IGF2BP3: variants seen among roughly 807,000 people sequenced by gnomAD.
IGF2BP3 encodes insulin-like growth factor 2 mRNA-binding protein 3.
IGF2BP3 carries 9 observed loss-of-function variants against 73.8 expected under a neutral mutation model. The ratio of observed to expected loss-of-function variants is 0.12; its 90% CI spans 0.07 to 0.21. IGF2BP3 has a LOEUF of 0.21. Among genes scored for constraint, IGF2BP3 ranks in the 10% least tolerant of loss-of-function variants. IGF2BP3 has a pLI of 1.00. For missense variants in IGF2BP3, 542 were observed against 714.0 expected, an observed-to-expected ratio of 0.76 and a Z score of 2.75; for synonymous variants, 258 against 256.7, an observed-to-expected ratio of 1.01 and a Z score of -0.05.
intron 10 of IGF2BP3, among the ~76,000 whole-genome samples, chr7:23,336,447 T>G (rs1583901954): frequency 6.6e-6 from 1 of 151,622 alleles, no homozygotes; most frequent in Non-Finnish European, 1.5e-5. Context: ...CTAAACCATT[T>G]TTTTTTTTTT....
At chr7:23,459,495 A>G (rs1418977335) in intron 2 of IGF2BP3, among the ~76,000 whole-genome samples, 1 of 152,192 alleles carries the variant, frequency 6.6e-6, no homozygotes, top group East Asian at 1.9e-4. Flanking sequence ...CAACAGTTTC[A>G]ACCTCTGCTT....
chr7:23,395,797 G>A (rs936399451), intron 3 of IGF2BP3, among the ~76,000 whole-genome samples: 7 of 151,746 alleles, frequency 4.6e-5, no homozygotes, highest in Admixed American at 4.6e-4. Flanking sequence ...GTGGTGACAG[G>A]TGCCTGTAAT....
At position 23,389,230 on chromosome 7, in the gene IGF2BP3, G is replaced by A. The variant is rs181498063; in HGVS notation, c.286-27489C>T. Among the ~76,000 whole-genome samples, 402 of 151,014 alleles carry A rather than the reference G, an allele frequency of 2.7e-3. 3 individuals are homozygous for A. Among genetic ancestry groups the A allele is most frequent in the African/African-American group, 9.3e-3 (383 of 41,022 alleles). On this transcript the variant is annotated intron_variant, in intron 3 of 14. Coordinates refer to ENST00000258729, the MANE Select transcript of IGF2BP3 (RefSeq NM_006547.3). ...GGCTGGAGTGCAGCGGCACTATCTC[G>A]GCTCACTGCAACCTCCATCTCCCAG...
intron 3 of IGF2BP3, chr7:23,413,985 C>T (rs900999818): frequency 2.0e-5 from 3 of 152,110 alleles, no homozygotes; most frequent in Admixed American, 1.3e-4. Context: ...CCCGTCTCTA[C>T]TAAAAATACA....
intron 2 of IGF2BP3, among the ~76,000 whole-genome samples, chr7:23,458,295 C>T (rs1248903464): frequency 6.6e-6 from 1 of 152,178 alleles, no homozygotes; most frequent in Non-Finnish European, 1.5e-5. Flanking sequence ...TCATATCCCA[C>T]ATCCTCCTGG....
At chr7:23,467,502 A>G (rs1230339998) in intron 2 of IGF2BP3, among the ~76,000 whole-genome samples, 1 of 152,216 alleles carries the variant, frequency 6.6e-6, no homozygotes, top group Non-Finnish European at 1.5e-5. Flanking sequence ...AAAGGCTTAG[A>G]GGCCCACCCC....
chr7:23,327,572 C>T (rs572401495), intron 10 of IGF2BP3, among the ~76,000 whole-genome samples: 61 of 152,248 alleles, frequency 4.0e-4, no homozygotes, highest in African/African-American at 1.4e-3. Flanking sequence ...TGAGCCACCG[C>T]ACCCGTCCTG....
At chr7:23,423,068 C>T (rs1291687085) in intron 2 of IGF2BP3, among the ~76,000 whole-genome samples, 2 of 152,364 alleles carry the variant, frequency 1.3e-5, no homozygotes, top group African/African-American at 4.8e-5. Flanking sequence ...AGCCGCTGCG[C>T]CCAGCCCTGC....
rs758211117 is a variant in IGF2BP3, at chr7:23,342,152, G to C, written c.1115C>G (p.Ala372Gly). The change falls in exon 10 of 15, where the codon GCC becomes GGC. Residue 372 changes from alanine (A) to glycine (G), a missense_variant. Coordinates refer to ENST00000258729, the MANE Select transcript of IGF2BP3 (RefSeq NM_006547.3). ...TGAAGTGGGTGGGAACAGACCCAAGGCGTTCAGATTTAATCCAGGAATTAA... is the reference window on the plus strand; with the variant it reads ...TGAAGTGGGTGGGAACAGACCCAAGCCGTTCAGATTTAATCCAGGAATTAA... ...AHLIPGLNLN[A>G]LGLFPPTSGM... The C allele has an allele frequency of 6.2e-7, 1 of 1,613,724 alleles. No homozygotes were observed. The highest frequency in any genetic ancestry group is 1.3e-5 in the African/African-American group (1 of 74,892).
intron 5 of IGF2BP3, among the ~76,000 whole-genome samples, chr7:23,357,276 CTTTT>C (rs201996068): frequency 4.9e-5 from 7 of 143,718 alleles, no homozygotes; most frequent in African/African-American, 1.8e-4. Context: ...TAGTTTCTTT[CTTTT>C]TTTTTTTTTT....
At chr7:23,350,455 G>A (rs930369517) in intron 6 of IGF2BP3, among the ~76,000 whole-genome samples, 2 of 152,196 alleles carry the variant, frequency 1.3e-5, no homozygotes, top group Admixed American at 6.5e-5. Flanking sequence ...CTCGTAGCAC[G>A]TTACGGAGCT....
At chr7:23,453,753 A>G (rs1788253383) in intron 2 of IGF2BP3, among the ~76,000 whole-genome samples, 1 of 152,194 alleles carries the variant, frequency 6.6e-6, no homozygotes, top group African/African-American at 2.4e-5. Context: ...GATACGGCCA[A>G]TCTTATTCAT....
intron 2 of IGF2BP3, among the ~76,000 whole-genome samples, chr7:23,426,670 T>C (rs1460430061): frequency 1.3e-5 from 2 of 152,248 alleles, no homozygotes. Context: ...CTCTGTTCCC[T>C]ATAAAGTTGT....
At chr7:23,347,248 G>C (rs1259497675) in intron 7 of IGF2BP3, among the ~76,000 whole-genome samples, 2 of 152,122 alleles carry the variant, frequency 1.3e-5, no homozygotes, top group Non-Finnish European at 2.9e-5. Context: ...CCAGGCAGTG[G>C]ACAAGAACAG....
chr7:23,430,187 G>A (rs1294821544), intron 2 of IGF2BP3, among the ~76,000 whole-genome samples: 4 of 151,438 alleles, frequency 2.6e-5, no homozygotes, highest in African/African-American at 7.3e-5. Flanking sequence ...GGGTTCAAGC[G>A]ATTCTCCTGC....
chr7:23,407,945 G>C (rs887283825), intron 3 of IGF2BP3, among the ~76,000 whole-genome samples: 1 of 28,178 alleles, frequency 3.5e-5, no homozygotes, highest in Non-Finnish European at 7.5e-5. Context: ...TTTGTGGGGG[G>C]CAGGGGGCGG....
At position 23,469,802 on chromosome 7, in the gene IGF2BP3, T is replaced by C; in HGVS notation, c.175+134A>G. ...AGGAGAGCCCCGGCCCCCACGCGCG[T>C]GGGTGTGGGCGCTCAGGCCTCACCC... On this transcript the variant is annotated intron_variant, in intron 1 of 14. Transcript: ENST00000258729. This position sits in a 1 kb window ranked among gnomAD's most constrained non-coding sequence, Gnocchi z 6.1. The C allele has an allele frequency of 2.5e-6, 1 of 405,628 alleles. No individual in the cohort carries two copies. Among genetic ancestry groups the C allele is most frequent in the African/African-American group, 2.1e-5 (1 of 47,604 alleles). 25.1% of individuals were successfully genotyped at this position (405,628 alleles called of 1,614,324 possible).
rs753260949 is a variant in IGF2BP3, at chr7:23,470,028, G to C, written c.83C>G (p.Pro28Arg). 2.5e-6 allele frequency: 4 copies of C among 1,612,770 alleles called. No individual in the cohort carries two copies. The highest frequency in any genetic ancestry group is 3.4e-6 in the Non-Finnish European group (4 of 1,179,758). The stretch of plus-strand genomic sequence containing the variant: ...CTTCACCAGGAAGGGTCCCGACACC[G>C]GGATCTTGGCGTCCTTGAAGATACT... ...LESIFKDAKI[P>R]VSGPFLVKTG... The change falls in exon 1 of 15, where the codon CCG becomes CGG. Residue 28 changes from proline (P) to arginine (R), a missense_variant. By Grantham distance (103) the Pro-to-Arg change is moderately radical (BLOSUM62 -2). Transcript: ENST00000258729.
chr7:23,352,724 C>T (rs1427905412), intron 5 of IGF2BP3, among the ~76,000 whole-genome samples: 1 of 152,144 alleles, frequency 6.6e-6, no homozygotes, highest in East Asian at 1.9e-4. Flanking sequence ...CCCGGAAGCC[C>T]CAACAGTACC....
Sources: allele counts gnomAD v4.1 joint callset (sites outside exome capture counted in the v4.1 genomes callset), GRCh38; gene constraint gnomAD v4.1.1; non-coding constraint Gnocchi (gnomAD v3.1); transcripts MANE v1.5; gene names NCBI Gene and HGNC (gene_info 2026-07-23, HGNC 2026-07-21).